The following DOCK11 variants were observed in gnomAD, a reference collection of about 807,000 sequenced individuals.
The protein encoded by DOCK11 is dedicator of cytokinesis protein 11.
Under a neutral mutation model 169.1 loss-of-function variants are expected in DOCK11, and 70 were observed. That is an observed-to-expected ratio of 0.41 (90% CI 0.34 to 0.51). The LOEUF (loss-of-function observed/expected upper bound fraction) is 0.51, where lower values mean the gene tolerates loss of function less well. DOCK11 is among the 20% of genes least tolerant of loss of function. DOCK11 has a pLI of 0.10. For synonymous variants in DOCK11, 529 were observed against 541.3 expected, an observed-to-expected ratio of 0.98 and a Z score of 0.32; for missense variants, 1,166 against 1,538.8, an observed-to-expected ratio of 0.76 and a Z score of 4.05.
At chrX:118,560,538 C>T (rs184591194) in intron 6 of DOCK11, among the ~76,000 whole-genome samples, 1 of 112,209 alleles carries the variant, frequency 8.9e-6, no homozygotes, top group African/African-American at 3.2e-5. Context: ...ATAAGCTCTG[C>T]CTTTCACTGT....
At chrX:118,660,934 G>A (rs765376959) in intron 44 of DOCK11, among the ~76,000 whole-genome samples, 73 of 110,628 alleles carry the variant, frequency 6.6e-4, no homozygotes, top group Admixed American at 1.8e-3. Context: ...AAAGCCAGGC[G>A]TAGTGGCTCA....
intron 47 of DOCK11, among the ~76,000 whole-genome samples, chrX:118,676,298 A>G (rs2016608120): frequency 8.9e-6 from 1 of 111,810 alleles, no homozygotes; most frequent in Non-Finnish European, 1.9e-5. Flanking sequence ...TTAAATATAT[A>G]GTAGTTAAAA....
chrX:118,500,799 T>G (rs768959377), intron 1 of DOCK11, among the ~76,000 whole-genome samples: 1 of 109,965 alleles, frequency 9.1e-6, no homozygotes, highest in Non-Finnish European at 1.9e-5. Context: ...GTTTTTTTTG[T>G]TTTTGTTTTG....
At chrX:118,680,083 C>T (rs2016706840) in intron 48 of DOCK11, among the ~76,000 whole-genome samples, 2 of 108,019 alleles carry the variant, frequency 1.9e-5, no homozygotes, top group African/African-American at 3.4e-5. Context: ...CATGCCACCC[C>T]GCCTGGCTAA....
At chrX:118,546,932 G>T (rs1214132034) in intron 6 of DOCK11, among the ~76,000 whole-genome samples, 1 of 111,798 alleles carries the variant, frequency 8.9e-6, no homozygotes, top group Non-Finnish European at 1.9e-5. Context: ...GGAGGTTGCA[G>T]TGAGCCAAGA....
chrX:118,496,118 C>T, intron 1 of DOCK11, 45 bp downstream of exon 1: 1 of 888,283 alleles, frequency 1.1e-6, no homozygotes, highest in Non-Finnish European at 1.4e-6. Context: ...GCGCTCCAGG[C>T]GGGAGCGACG....
chrX:118,593,481 G>A, intron 20 of DOCK11, 144 bp downstream of exon 20: 1 of 534,378 alleles, frequency 1.9e-6, no homozygotes, highest in Admixed American at 5.2e-5. Flanking sequence ...TGCTGATAAA[G>A]ACGTACCAGA....
At chrX:118,607,943 G>A (rs112839685) in intron 24 of DOCK11, 129 bp from the exon 25 acceptor site, 35,736 of 509,544 alleles carry the variant, frequency 0.07, 1,092 homozygotes, top group Non-Finnish European at 0.084. Flanking sequence ...TATATCTAAT[G>A]CAATCATCTC....
intron 1 of DOCK11, among the ~76,000 whole-genome samples, chrX:118,531,448 A>G (rs1341444063): frequency 2.2e-5 from 2 of 89,144 alleles, no homozygotes; most frequent in African/African-American, 8.3e-5. Flanking sequence ...AAAAAAAAAA[A>G]AAACAGGAAG....
chrX:118,561,289 G>A, intron 6 of DOCK11, 94 bp from the exon 7 acceptor site: 1 of 885,273 alleles, frequency 1.1e-6, no homozygotes, highest in East Asian at 3.6e-5. Flanking sequence ...AGGCACAATT[G>A]CCTGGCAAGC....
At chrX:118,608,389 CA>C in intron 26 of DOCK11, 33 bp downstream of exon 26, 1 of 1,157,928 alleles carries the variant, frequency 8.6e-7, no homozygotes, top group Non-Finnish European at 1.2e-6. Context: ...GGAACAAAAG[CA>C]GCCATAGACA....
intron 46 of DOCK11, among the ~76,000 whole-genome samples, chrX:118,672,956 G>A (rs779423544): frequency 2.7e-5 from 3 of 112,164 alleles, no homozygotes; most frequent in South Asian, 3.7e-4. Context: ...TAGAATTCAA[G>A]TGAATATATT....
intron 1 of DOCK11, among the ~76,000 whole-genome samples, chrX:118,507,516 A>G (rs1421936746): frequency 9.0e-6 from 1 of 110,703 alleles, no homozygotes; most frequent in African/African-American, 3.3e-5. Context: ...CGCCTGGCTA[A>G]TTTTTGTGTT....
chrX:118,526,880 C>T (rs958541419), intron 1 of DOCK11, among the ~76,000 whole-genome samples: 5 of 112,170 alleles, frequency 4.5e-5, no homozygotes, highest in African/African-American at 1.6e-4. Context: ...AGCAATAATC[C>T]TGTTTTGCCA....
At chrX:118,636,267 C>T in intron 35 of DOCK11, 79 bp from the exon 36 acceptor site, 1 of 532,525 alleles carries the variant, frequency 1.9e-6, no homozygotes, top group Middle Eastern at 3.7e-4. Flanking sequence ...GTCCTTGAAG[C>T]TACATAGGAC....
intron 32 of DOCK11, among the ~76,000 whole-genome samples, chrX:118,625,631 A>G (rs2015084691): frequency 8.9e-6 from 1 of 112,257 alleles, no homozygotes; most frequent in Non-Finnish European, 1.9e-5. Context: ...GTATGGCTTC[A>G]TACATTTATT....
chrX:118,575,165 C>T (rs1401623496), intron 12 of DOCK11, among the ~76,000 whole-genome samples: 1 of 111,527 alleles, frequency 9.0e-6, no homozygotes, highest in African/African-American at 3.3e-5. Flanking sequence ...ACCCAAAAGA[C>T]AATACCTATT....
chrX:118,572,142 T>C (rs2013296031), intron 10 of DOCK11, among the ~76,000 whole-genome samples, 181 bp from the exon 11 acceptor site: 1 of 112,304 alleles, frequency 8.9e-6, no homozygotes, highest in African/African-American at 3.2e-5. Flanking sequence ...CTAGGATTTC[T>C]CCATCACTGT....
At chrX:118,528,375 G>A (rs997159302) in intron 1 of DOCK11, among the ~76,000 whole-genome samples, 5 of 112,162 alleles carry the variant, frequency 4.5e-5, no homozygotes, top group African/African-American at 9.7e-5. Flanking sequence ...GAGTGGCGGC[G>A]GATGGCGGAT....
Sources: gnomAD v4.1 joint callset for allele counts (sites outside exome capture counted in the v4.1 genomes callset) on GRCh38, gnomAD v4.1.1 for gene constraint, MANE v1.5 for transcripts, NCBI Gene and HGNC (gene_info 2026-07-23, HGNC 2026-07-21) for gene names.